The following SMC2 variants were observed in gnomAD, a reference collection of about 807,000 sequenced individuals.
SMC2 encodes the protein structural maintenance of chromosomes protein 2.
SMC2 carries 41 observed loss-of-function variants against 142.6 expected under a neutral mutation model. That is an observed-to-expected ratio of 0.29 (90% confidence interval 0.22 to 0.37). SMC2 has a LOEUF of 0.37. Among genes scored for constraint, SMC2 ranks in the 10% least tolerant of loss-of-function variants. The probability of loss-of-function intolerance (pLI) is 1.00; values close to 1 mark genes in which losing one functional copy is unlikely to be tolerated. For synonymous variants in SMC2, 463 were observed against 457.5 expected, an observed-to-expected ratio of 1.01 and a Z score of -0.15; for missense variants, 1,265 against 1,373.7, an observed-to-expected ratio of 0.92 and a Z score of 1.25.
At chr9:104,131,650 CTTTT>C (rs34656812) in intron 21 of SMC2, among the ~76,000 whole-genome samples, 1 of 132,426 alleles carries the variant, frequency 7.6e-6, no homozygotes, top group Non-Finnish European at 1.6e-5. Flanking sequence ...ATATGTAACA[CTTTT>C]TTTTTTTTTT....
chr9:104,109,874 A>G (rs868424289), intron 9 of SMC2, among the ~76,000 whole-genome samples: 2 of 152,240 alleles, frequency 1.3e-5, no homozygotes, highest in Non-Finnish European at 2.9e-5. Flanking sequence ...TTATCAAAAC[A>G]TAAACACCAT....
chr9:104,091,117 C>T (rs1274658731), upstream of SMC2, among the ~76,000 whole-genome samples: 1 of 152,156 alleles, frequency 6.6e-6, no homozygotes, highest in Non-Finnish European at 1.5e-5. Flanking sequence ...ACCCACAGTT[C>T]AAATAATATG....
At chr9:104,112,473 GAC>G (rs773702912) in intron 10 of SMC2, among the ~76,000 whole-genome samples, 3 of 152,270 alleles carry the variant, frequency 2.0e-5, no homozygotes, top group East Asian at 1.9e-4. Context: ...TTTAATGGAA[GAC>G]ACAGATTTTA....
At position 104,129,852 on chromosome 9, in the gene SMC2, C is replaced by A; in HGVS notation, c.2991+7C>A. The A allele has an allele frequency of 1.2e-6, 2 of 1,606,580 alleles. No homozygotes were observed. Among genetic ancestry groups the A allele is most frequent in the South Asian group, 2.2e-5 (2 of 90,760 alleles). ...GACAGAAGCTGAAGAGCGAGTAAGT[C>A]AATTTCTTATGAATATCTGGCCGCA... is the stretch of plus-strand genomic sequence containing the variant. On this transcript the variant is annotated splice_region_variant and intron_variant, in intron 21 of 24. Coordinates refer to ENST00000374793, the MANE Select transcript of SMC2 (RefSeq NM_006444.3).
At chr9:104,120,511 A>G (rs909947553) in intron 16 of SMC2, among the ~76,000 whole-genome samples, 2 of 152,200 alleles carry the variant, frequency 1.3e-5, no homozygotes, top group African/African-American at 4.8e-5. Context: ...TGATTTCTTG[A>G]TTTGACATGA....
At chr9:104,103,918 C>CT (rs547161465) in intron 9 of SMC2, among the ~76,000 whole-genome samples, 26 of 146,564 alleles carry the variant, frequency 1.8e-4, no homozygotes, top group Non-Finnish European at 1.4e-4. Context: ...TCATCAATTA[C>CT]TTTTTTTTTT....
At chr9:104,094,011 G>T (rs912106074), upstream of SMC2, among the ~76,000 whole-genome samples, 1 of 152,188 alleles carries the variant, frequency 6.6e-6, no homozygotes, top group Non-Finnish European at 1.5e-5. Context: ...TGCCTAACGC[G>T]AACTAGAGGG....
At chr9:104,115,460 A>T (rs79327784) in intron 13 of SMC2, among the ~76,000 whole-genome samples, 8,598 of 152,028 alleles carry the variant, frequency 0.057, 657 homozygotes, top group African/African-American at 0.18. Context: ...CTGGAGTCCT[A>T]GCGACTCTGG....
intron 22 of SMC2, among the ~76,000 whole-genome samples, chr9:104,132,877 G>GACTT (rs1032734552): frequency 6.6e-6 from 1 of 151,088 alleles, no homozygotes; most frequent in Non-Finnish European, 1.5e-5. Context: ...AGGATTCGTG[G>GACTT]ACTTAGTACA....
chr9:104,123,652 CCATGGGTTGCT>C (rs1833966352), intron 17 of SMC2, among the ~76,000 whole-genome samples: 3 of 152,134 alleles, frequency 2.0e-5, no homozygotes, highest in South Asian at 4.1e-4. Context: ...TTTCTTTTGC[CCATGGGTTGCT>C]CATGGTTTTT....
intron 14 of SMC2, among the ~76,000 whole-genome samples, chr9:104,116,981 G>A (rs1236405319): frequency 6.6e-6 from 1 of 152,162 alleles, no homozygotes; most frequent in Admixed American, 6.5e-5. Flanking sequence ...AAGTACATCA[G>A]TTGAAAAGAC....
At chr9:104,117,917 A>G (rs1833309976) in intron 14 of SMC2, among the ~76,000 whole-genome samples, 1 of 152,198 alleles carries the variant, frequency 6.6e-6, no homozygotes, top group African/African-American at 2.4e-5. Context: ...TATTGATAGA[A>G]ACTTTCATAA....
intron 22 of SMC2, among the ~76,000 whole-genome samples, chr9:104,133,141 T>G (rs1835169918): frequency 6.6e-6 from 1 of 152,184 alleles, no homozygotes; most frequent in African/African-American, 2.4e-5. Context: ...TTTTGGTTTG[T>G]TTTCTTCATA....
upstream of SMC2, among the ~76,000 whole-genome samples, chr9:104,091,709 C>A (rs952308459): frequency 6.6e-6 from 1 of 152,134 alleles, no homozygotes; most frequent in Non-Finnish European, 1.5e-5. Flanking sequence ...AGAAAGGATT[C>A]ACTCGGGTCC....
intron 7 of SMC2, among the ~76,000 whole-genome samples, chr9:104,101,103 A>G (rs756611005): frequency 7.2e-5 from 11 of 151,958 alleles, no homozygotes; most frequent in Non-Finnish European, 1.5e-4. Flanking sequence ...ACACCCTGCT[A>G]GTTTATTTTT....
intron 7 of SMC2, 122 bp from the exon 8 acceptor site, chr9:104,101,838 C>T (rs906527808): frequency 3.3e-6 from 2 of 598,636 alleles, no homozygotes; most frequent in East Asian, 2.9e-5. Flanking sequence ...ATTTAAAATG[C>T]TATAATTGTT....
rs775956025 is a variant in SMC2 at position 104,127,313 on chromosome 9, G to A, written c.2623G>A (p.Val875Met). 5.6e-6 allele frequency: 9 copies of A among 1,594,184 alleles called. No homozygotes were observed. Among genetic ancestry groups the A allele is most frequent in the East Asian group, 4.5e-5 (2 of 44,724 alleles). ...GTCAGTAAATAAAGCTCAAGAAGAG[G>A]TGACCAAGCAAAAAGAGGTGATAAC... ...KESVNKAQEEVTKQKEVITAQ... is the reference protein window; with the variant it reads ...KESVNKAQEEMTKQKEVITAQ... Residue 875 changes from valine (V) to methionine (M), a missense_variant, in exon 20 of 25, where the codon GTG becomes ATG. Coordinates refer to ENST00000374793, the MANE Select transcript of SMC2 (RefSeq NM_006444.3).
Position 104,114,822 on chromosome 9 carries a change from A to G in SMC2, c.1664A>G (p.Asp555Gly). 1 of 1,602,570 alleles carries G rather than the reference A, an allele frequency of 6.2e-7. No individual in the cohort carries two copies. Among genetic ancestry groups the G allele is most frequent in the South Asian group, 1.1e-5 (1 of 88,678 alleles). The change falls in exon 13 of 25, where the codon GAC becomes GGC. Residue 555 changes from aspartate to glycine, a missense_variant. Asp to Gly is a moderately conservative substitution (Grantham distance 94, BLOSUM62 -1). Around this residue, in one of 4 missense-constraint regions of SMC2, gnomAD observed 898 missense variants for 904.2 expected, o/e 0.99. Coordinates refer to ENST00000374793, the MANE Select transcript of SMC2 (RefSeq NM_006444.3). ...GAACGACTCTACAATGTTGTAGTAGACACAGAAGTAAGTTGATTTTAATTT... is the reference window on the plus strand; with the variant it reads ...GAACGACTCTACAATGTTGTAGTAGGCACAGAAGTAAGTTGATTTTAATTT... ...AGERLYNVVV[D>G]TEVTGKKLLE...
chr9:104,108,453 G>A (rs2131362943), intron 9 of SMC2, among the ~76,000 whole-genome samples: 1 of 152,244 alleles, frequency 6.6e-6, no homozygotes, highest in Non-Finnish European at 1.5e-5. Flanking sequence ...CCTTTTCTAT[G>A]AAGGTCTGCA....
Sources: allele counts gnomAD v4.1 joint callset (sites outside exome capture counted in the v4.1 genomes callset), GRCh38; gene constraint gnomAD v4.1.1; regional missense constraint gnomAD v4.1.1; transcripts MANE v1.5; gene names NCBI Gene and HGNC (gene_info 2026-07-23, HGNC 2026-07-21).